Variants in RIMS1 observed in about 807,000 individuals in gnomAD.
RIMS1 encodes the protein regulating synaptic membrane exocytosis protein 1.
A neutral mutation model predicts 214.1 loss-of-function variants in RIMS1; 83 were observed. The ratio of observed to expected loss-of-function variants is 0.39; its 90% confidence interval spans 0.32 to 0.47. RIMS1 has a LOEUF of 0.47. Among genes scored for constraint, RIMS1 ranks in the 20% least tolerant of loss-of-function variants. The pLI, the probability that RIMS1 is intolerant of heterozygous loss-of-function variation, is 0.99. For synonymous variants in RIMS1, 793 were observed against 786.8 expected (o/e 1.01, Z -0.13); for missense variants, 2,050 against 2,161.8 (o/e 0.95, Z 1.03).
At chr6:71,987,252 C>G (rs938247848) in intron 2 of RIMS1, among the ~76,000 whole-genome samples, 1 of 152,132 alleles carries the variant, frequency 6.6e-6, no homozygotes, top group African/African-American at 2.4e-5. Context: ...ATGCTTTTGA[C>G]TAGGTAGCTT....
chr6:72,213,718 G>T (rs576939095), intron 6 of RIMS1, among the ~76,000 whole-genome samples: 1 of 152,092 alleles, frequency 6.6e-6, no homozygotes, highest in Non-Finnish European at 1.5e-5. Context: ...TGGTTCCTGG[G>T]TTCTTGCGAA....
In RIMS1 at chr6:72,271,286, AATATATAT is replaced by A. The variant is rs1222564699; in HGVS notation, c.3399-3040_3399-3033del. 8.3e-3 allele frequency among the ~76,000 whole-genome samples: 365 copies of A among 43,984 alleles called. 3 individuals are homozygous for A. The East Asian group carries it at 0.11, about 13-fold the overall frequency. The allele number at this position is 43,984 out of a possible 152,430, so 28.9% of individuals were successfully genotyped here. A position where few individuals can be genotyped will look rare whatever the true frequency, so the allele number is the denominator to read the frequency against. ...ATCTCAAGGAAAAAAAAAAAAAAAAAATATATATATATATATATATATATATATATGTT... is the reference window on the plus strand; with the variant it reads ...ATCTCAAGGAAAAAAAAAAAAAAAAAATATATATATATATATATATATGTT... On this transcript the variant is annotated intron_variant, in intron 22 of 33. Transcript: ENST00000521978.
intron 2 of RIMS1, among the ~76,000 whole-genome samples, chr6:72,072,814 G>A (rs1830882097): frequency 6.6e-6 from 1 of 152,122 alleles, no homozygotes; most frequent in Admixed American, 6.6e-5. Context: ...TTCTTGGACT[G>A]TATTCCTCCA....
At chr6:71,915,102 A>G (rs1021279418) in intron 1 of RIMS1, among the ~76,000 whole-genome samples, 3 of 152,146 alleles carry the variant, frequency 2.0e-5, no homozygotes, top group Non-Finnish European at 4.4e-5. Context: ...TGTTGCATAC[A>G]GACCCAAGGC....
At chr6:71,959,846 A>G (rs796280265) in intron 1 of RIMS1, among the ~76,000 whole-genome samples, 52 of 152,294 alleles carry the variant, frequency 3.4e-4, no homozygotes, top group African/African-American at 1.2e-3. Context: ...TTCTAAGAAG[A>G]AACTATGGTA....
intron 4 of RIMS1, among the ~76,000 whole-genome samples, chr6:72,136,295 G>C (rs1189411103): frequency 1.3e-5 from 2 of 151,690 alleles, no homozygotes; most frequent in African/African-American, 4.8e-5. Context: ...ATACAAAATA[G>C]AGGAAAATAT....
At position 72,260,765 on chromosome 6, in the gene RIMS1, C is replaced by A. The variant is rs763970502; in HGVS notation, c.3114C>A (p.Thr1038=). ...RGRSAECLHT[T]RHLVRHYKTL... is the part of the protein sequence containing the mutation. ...GAAGTGCAGAATGCCTACATACTAC[C>A]AGGTAAATACAGGGATTTGGTAATG... The change falls in exon 19 of 34, where the codon ACC becomes ACA. Residue 1038 remains threonine (T), a splice_region_variant and synonymous_variant. Coordinates refer to ENST00000521978, the MANE Select transcript of RIMS1 (RefSeq NM_014989.7). 5 of 1,611,852 alleles carry A rather than the reference C, an allele frequency of 3.1e-6. No homozygotes were observed. The Admixed American group carries it at 8.4e-5, about 27-fold the overall frequency.
intron 29 of RIMS1, among the ~76,000 whole-genome samples, chr6:72,357,317 C>G (rs755558501): frequency 1.1e-4 from 16 of 152,178 alleles, no homozygotes; most frequent in Non-Finnish European, 2.4e-4. Flanking sequence ...ATCCTGCAAT[C>G]CACCATCTCT....
chr6:72,246,737 A>G (rs1191191116), intron 11 of RIMS1, among the ~76,000 whole-genome samples: 1 of 152,216 alleles, frequency 6.6e-6, no homozygotes, highest in Non-Finnish European at 1.5e-5. Context: ...GGTGACCAAT[A>G]CAAAGAGGGA....
chr6:72,223,802 G>A (rs1456449697), intron 6 of RIMS1, among the ~76,000 whole-genome samples: 3 of 151,940 alleles, frequency 2.0e-5, no homozygotes, highest in Middle Eastern at 3.2e-3. Flanking sequence ...AAAAAAATTA[G>A]CCAGGCGTGG....
intron 4 of RIMS1, among the ~76,000 whole-genome samples, chr6:72,159,051 C>A (rs2044877483): frequency 7.1e-6 from 1 of 140,852 alleles, no homozygotes; most frequent in South Asian, 2.4e-4. Context: ...ACATCCTCTC[C>A]AGCACCTGTT....
At chr6:72,296,617 C>A (rs1569720) in intron 26 of RIMS1, among the ~76,000 whole-genome samples, 46,977 of 151,658 alleles carry the variant, frequency 0.31, 8,111 homozygotes, top group Non-Finnish European at 0.4. Flanking sequence ...TTCAGAGTTG[C>A]TGTTGGCCTG....
chr6:72,028,051 G>A (rs926470532), intron 2 of RIMS1, among the ~76,000 whole-genome samples: 2 of 152,060 alleles, frequency 1.3e-5, no homozygotes, highest in South Asian at 2.1e-4. Context: ...TATGTACCAG[G>A]TTGTATAGGC....
intron 2 of RIMS1, among the ~76,000 whole-genome samples, chr6:71,978,454 C>G (rs866035620): frequency 2.6e-5 from 4 of 151,846 alleles, no homozygotes; most frequent in African/African-American, 9.7e-5. Flanking sequence ...TCTGTTGGGA[C>G]AGAAGATTCA....
chr6:72,262,963 ATAT>A, intron 19 of RIMS1: 1 of 489,032 alleles, frequency 2.0e-6, no homozygotes. Context: ...TATGTTATGA[ATAT>A]TATTATCCTG....
At chr6:72,007,941 G>T (rs982644108) in intron 2 of RIMS1, among the ~76,000 whole-genome samples, 3 of 152,126 alleles carry the variant, frequency 2.0e-5, no homozygotes, top group African/African-American at 7.2e-5. Flanking sequence ...TAGCAAGGCA[G>T]GCCAACATTC....
chr6:71,981,447 A>G (rs987916118), intron 2 of RIMS1, among the ~76,000 whole-genome samples: 1 of 152,154 alleles, frequency 6.6e-6, no homozygotes, highest in Admixed American at 6.6e-5. Context: ...TAGTGGGGTT[A>G]GAAGACAAGA....
chr6:72,179,753 G>A lies in RIMS1; in HGVS notation c.650G>A (p.Arg217Gln), dbSNP rs371778876. Residue 217 changes from arginine (R) to glutamine (Q), a missense_variant, in exon 5 of 34, where the codon CGG becomes CAG. This residue lies in a region of RIMS1 where 882 missense variants were observed against 828.9 expected (regional missense o/e 1.06). Coordinates refer to ENST00000521978, the MANE Select transcript of RIMS1 (RefSeq NM_014989.7). ...EKKARLQERSRSQTPLSTAAA... is the reference protein window; with the variant it reads ...EKKARLQERSQSQTPLSTAAA... ...AAAGCACGACTCCAAGAGCGATCGC[G>A]GTCTCAGACACCCCTAAGCACAGCA... is the stretch of plus-strand genomic sequence containing the variant. 3.1e-6 allele frequency: 5 copies of A among 1,613,642 alleles called. No homozygotes were observed. Among genetic ancestry groups the A allele is most frequent in the Admixed American group, 1.7e-5 (1 of 60,000 alleles).
chr6:72,221,168 G>A (rs958395752), intron 6 of RIMS1, among the ~76,000 whole-genome samples: 3 of 151,922 alleles, frequency 2.0e-5, no homozygotes, highest in African/African-American at 4.8e-5. Context: ...GTTTAACAAA[G>A]CTAAATTGCA....
Sources: allele counts gnomAD v4.1 joint callset (sites outside exome capture counted in the v4.1 genomes callset), GRCh38; gene constraint gnomAD v4.1.1; regional missense constraint gnomAD v4.1.1; transcripts MANE v1.5; gene names NCBI Gene and HGNC (gene_info 2026-07-23, HGNC 2026-07-21).